NCBP1: variants seen among roughly 807,000 people sequenced by gnomAD.
NCBP1 encodes nuclear cap-binding protein subunit 1.
In NCBP1, 16 loss-of-function variants were observed where a neutral mutation model predicts 111.7. The observed-to-expected ratio is 0.14, with a 90% CI of 0.10 to 0.22. The LOEUF is 0.22. NCBP1 is among the 10% of genes least tolerant of loss of function. The probability of loss-of-function intolerance (pLI) is 1.00; values close to 1 mark genes in which losing one functional copy is unlikely to be tolerated. For synonymous variants in NCBP1, 304 were observed against 314.3 expected, an observed-to-expected ratio of 0.97 and a Z score of 0.35; for missense variants, 607 against 957.5, an observed-to-expected ratio of 0.63 and a Z score of 4.83.
chr9:97,658,561 G>T, intron 14 of NCBP1, 79 bp from the exon 15 acceptor site: 1 of 1,080,144 alleles, frequency 9.3e-7, no homozygotes, highest in South Asian at 1.3e-5. Context: ...TGGAGATCAT[G>T]ACTTTCCAGG....
chr9:97,645,958 T>C (rs745812016), intron 6 of NCBP1, among the ~76,000 whole-genome samples: 10 of 152,260 alleles, frequency 6.6e-5, no homozygotes, highest in Non-Finnish European at 1.5e-4. Context: ...TCTTTTAAGC[T>C]GCTTTTATAT....
intron 19 of NCBP1, among the ~76,000 whole-genome samples, chr9:97,666,499 C>T (rs1488335857): frequency 2.6e-5 from 4 of 152,154 alleles, no homozygotes; most frequent in African/African-American, 9.7e-5. Flanking sequence ...GTATGTACCT[C>T]TGGTAAGGGA....
At chr9:97,666,511 G>T (rs1421529755) in intron 19 of NCBP1, among the ~76,000 whole-genome samples, 2 of 152,162 alleles carry the variant, frequency 1.3e-5, no homozygotes, top group Non-Finnish European at 1.5e-5. Context: ...GGTAAGGGAT[G>T]GAAATAAGAA....
intron 3 of NCBP1, among the ~76,000 whole-genome samples, chr9:97,642,800 C>T (rs892342300): frequency 1.1e-4 from 17 of 152,136 alleles, no homozygotes; most frequent in African/African-American, 3.6e-4. Flanking sequence ...GAATGCTGCA[C>T]GCCCCCCCTT....
intron 14 of NCBP1, among the ~76,000 whole-genome samples, chr9:97,657,999 G>T (rs1230046215): frequency 6.8e-6 from 1 of 146,858 alleles, no homozygotes; most frequent in Non-Finnish European, 1.5e-5. Context: ...ACATATTTAG[G>T]ATCATCTTGC....
In NCBP1 at chr9:97,669,707, G is replaced by A; in HGVS notation, c.2259+1G>A. The A allele has an allele frequency of 6.4e-7, 1 of 1,551,946 alleles. No individual in the cohort carries two copies. Among genetic ancestry groups the A allele is most frequent in the Non-Finnish European group, 8.9e-7 (1 of 1,123,616 alleles). ...GAGGCTGCAGCAGATCTTCCTACAG[G>A]TATGTGGGGAACTTCGATTAGGTAA... On this transcript the variant is annotated splice_donor_variant, in intron 22 of 22. Coordinates refer to ENST00000375147, the MANE Select transcript of NCBP1 (RefSeq NM_002486.5). LOFTEE classifies it high-confidence loss of function.
At chr9:97,669,910 C>A in intron 22 of NCBP1, 1 of 624,260 alleles carries the variant, frequency 1.6e-6, no homozygotes, top group Non-Finnish European at 2.9e-6. Flanking sequence ...ATTGCCACCC[C>A]CCCAACAACC....
At chr9:97,661,258 G>A (rs1470285293) in intron 16 of NCBP1, among the ~76,000 whole-genome samples, 190 bp downstream of exon 16, 2 of 152,116 alleles carry the variant, frequency 1.3e-5, no homozygotes, top group Non-Finnish European at 2.9e-5. Flanking sequence ...CTGTGATATA[G>A]CTTACTTAAG....
At chr9:97,669,188 G>C (rs139957570) in intron 21 of NCBP1, among the ~76,000 whole-genome samples, 1 of 151,928 alleles carries the variant, frequency 6.6e-6, no homozygotes, top group African/African-American at 2.4e-5. Flanking sequence ...ATTCTCGCAT[G>C]AGCATTTCTC....
At chr9:97,664,489 A>G (rs749683180) in intron 19 of NCBP1, 46 bp downstream of exon 19, 7 of 1,298,942 alleles carry the variant, frequency 5.4e-6, no homozygotes, top group African/African-American at 2.9e-5. Context: ...AAGAATTGAT[A>G]TATGTGTGGT....
At chr9:97,660,044 G>T (rs10512254) in intron 15 of NCBP1, among the ~76,000 whole-genome samples, 14,815 of 152,090 alleles carry the variant, frequency 0.097, 1,975 homozygotes, top group African/African-American at 0.29. Context: ...TTTTTTAACC[G>T]TTAGCAAGCC....
In NCBP1 at chr9:97,671,091, C is replaced by A; in HGVS notation, c.2265C>A (p.His755Gln). Reference protein sequence around the residue: ...ERLQQIFLQHHQIIQQYMVTL... With the variant: ...ERLQQIFLQHQQIIQQYMVTL... ...CCCCTTTTGTGTGTCCACAGCATCACCAAATAATCCAGCAGTACATGGTGA... is the reference window on the plus strand; with the variant it reads ...CCCCTTTTGTGTGTCCACAGCATCAACAAATAATCCAGCAGTACATGGTGA... The change falls in exon 23 of 23, where the codon CAC (histidine) becomes CAA (glutamine). Residue 755 changes from histidine (H) to glutamine (Q), a missense_variant. By Grantham distance (24) the His-to-Gln change is conservative (BLOSUM62 0). This residue lies in a region of NCBP1 where 8 missense variants were observed against 35.0 expected (regional missense o/e 0.23). Coordinates refer to ENST00000375147, the MANE Select transcript of NCBP1 (RefSeq NM_002486.5). 6.2e-7 allele frequency: 1 copy of A among 1,605,452 alleles called. No individual in the cohort carries two copies. The highest frequency in any genetic ancestry group is 8.5e-7 in the Non-Finnish European group (1 of 1,172,346).
rs1427693092 is a variant in NCBP1, at chr9:97,661,037, T to C, written c.1569T>C (p.Asp523=). 1.9e-6 allele frequency: 3 copies of C among 1,613,018 alleles called. No individual in the cohort carries two copies. The South Asian group carries it at 3.3e-5, about 18-fold the overall frequency. The part of the protein sequence containing the change: ...TNDEIFSILK[D]VPNPNQDDDD... ...ATGAAATCTTCAGCATTCTGAAAGA[T>C]GTACCAAATCCTAACCAGGATGATG... The change falls in exon 16 of 23, where the codon GAT becomes GAC. Residue 523 remains aspartate, a synonymous_variant. Coordinates refer to ENST00000375147, the MANE Select transcript of NCBP1 (RefSeq NM_002486.5).
chr9:97,637,655 G>T (rs1209102205), intron 1 of NCBP1, among the ~76,000 whole-genome samples: 1 of 152,128 alleles, frequency 6.6e-6, no homozygotes, highest in Non-Finnish European at 1.5e-5. Context: ...CGGGCTCAAG[G>T]CATGTTATCT....
At chr9:97,665,055 C>T (rs933557287) in intron 19 of NCBP1, among the ~76,000 whole-genome samples, 3 of 152,184 alleles carry the variant, frequency 2.0e-5, no homozygotes, top group Non-Finnish European at 4.4e-5. Context: ...ACCAGGGCAG[C>T]AGGAGTTGAC....
Position 97,640,895 on chromosome 9 carries a change from A to G in NCBP1, c.123+13A>G. 4 of 1,561,392 alleles carry G rather than the reference A, an allele frequency of 2.6e-6. No homozygotes were observed. The highest frequency in any genetic ancestry group is 3.5e-6 in the Non-Finnish European group (4 of 1,138,320). On this transcript the variant is annotated intron_variant, in intron 2 of 22. Transcript: ENST00000375147. ...AGTAGGAGAAAAGGTATGTCACACA[A>G]TAGGCACAGGCTGTGATGGGTTTAA...
At chr9:97,641,532 G>A in intron 2 of NCBP1, 30 bp from the exon 3 acceptor site, 1 of 1,522,328 alleles carries the variant, frequency 6.6e-7, no homozygotes, top group East Asian at 2.3e-5. Context: ...CTGAGTACTT[G>A]ACAGATATTT....
chr9:97,657,875 G>A (rs1827704962), intron 14 of NCBP1, among the ~76,000 whole-genome samples: 1 of 141,302 alleles, frequency 7.1e-6, no homozygotes, highest in Non-Finnish European at 1.5e-5. Context: ...TACATGAGGA[G>A]CCCCGGTAAG....
chr9:97,668,473 G>C lies in NCBP1; in HGVS notation c.2017-373G>C, dbSNP rs139782567. 3.9e-3 allele frequency among the ~76,000 whole-genome samples: 589 copies of C among 152,216 alleles called. 9 individuals carry two copies. The highest frequency in any genetic ancestry group is 0.012 in the East Asian group (64 of 5,182). The stretch of plus-strand genomic sequence containing the variant: ...AAGAATGAGCAGCCTTGGCCCATAG[G>C]ACTTGCCCAGTTTTTCTGTATGGCC... On this transcript the variant is annotated intron_variant, in intron 20 of 22. Transcript: ENST00000375147.
Sources: gnomAD v4.1 joint callset for allele counts (sites outside exome capture counted in the v4.1 genomes callset) on GRCh38, gnomAD v4.1.1 for gene constraint, gnomAD v4.1.1 regional missense constraint, MANE v1.5 for transcripts, NCBI Gene and HGNC (gene_info 2026-07-23, HGNC 2026-07-21) for gene names.